ANP32E: variants seen among roughly 807,000 people sequenced by gnomAD.
ANP32E encodes the protein acidic leucine-rich nuclear phosphoprotein 32 family member E.
ANP32E carries 14 observed loss-of-function variants against 35.3 expected under a neutral mutation model. That is an observed-to-expected ratio of 0.40 (90% CI 0.26 to 0.62). ANP32E has a LOEUF of 0.62. ANP32E is among the 20% of genes least tolerant of loss of function. The probability of loss-of-function intolerance (pLI) is 0.45; values close to 1 mark genes in which losing one functional copy is unlikely to be tolerated. For synonymous variants in ANP32E, 89 were observed against 110.4 expected, an observed-to-expected ratio of 0.81 and a Z score of 1.22; for missense variants, 198 against 304.4, an observed-to-expected ratio of 0.65 and a Z score of 2.60.
At chr1:150,225,154 C>T (rs1250111637) in intron 5 of ANP32E, among the ~76,000 whole-genome samples, 4 of 152,162 alleles carry the variant, frequency 2.6e-5, no homozygotes, top group African/African-American at 9.7e-5. Context: ...TAAGAATTCA[C>T]AAAGCATGAT....
At chr1:150,232,398 A>T (rs1215433855) in intron 1 of ANP32E, among the ~76,000 whole-genome samples, 1 of 150,594 alleles carries the variant, frequency 6.6e-6, no homozygotes. Flanking sequence ...CCTTACACGG[A>T]TCCTTTTCAT....
chr1:150,223,310 T>G, intron 5 of ANP32E, 70 bp from the exon 6 acceptor site: 1 of 1,489,812 alleles, frequency 6.7e-7, no homozygotes, highest in South Asian at 1.2e-5. Context: ...TTGTAATATA[T>G]TCCAACAAGA....
At chr1:150,230,746 C>CT (rs11412482) in intron 2 of ANP32E, 53 bp from the exon 3 acceptor site, 112,026 of 1,149,168 alleles carry the variant, frequency 0.097, 119 homozygotes, top group Middle Eastern at 0.11. Context: ...TCATATCAAA[C>CT]TTTTTTTTTT....
chr1:150,223,374 G>T, intron 5 of ANP32E, 134 bp from the exon 6 acceptor site: 16 of 1,258,562 alleles, frequency 1.3e-5, no homozygotes, highest in African/African-American at 6.2e-5. Flanking sequence ...TTCTTATAAA[G>T]GTCCTTTTTA....
At chr1:150,223,471 A>G (rs1284028281) in intron 5 of ANP32E, among the ~76,000 whole-genome samples, 1 of 152,008 alleles carries the variant, frequency 6.6e-6, no homozygotes, top group Non-Finnish European at 1.5e-5. Flanking sequence ...ACCTGAGGTC[A>G]GGAGTTCCAG....
chr1:150,234,663 T>C (rs1649635149), intron 1 of ANP32E: 2 of 985,442 alleles, frequency 2.0e-6, no homozygotes, highest in Non-Finnish European at 2.4e-6. Context: ...TCTCGCGACC[T>C]GCCGCTCCGA....
At chr1:150,221,946 A>C (rs1037149143) in intron 6 of ANP32E, among the ~76,000 whole-genome samples, 1 of 151,918 alleles carries the variant, frequency 6.6e-6, no homozygotes, top group Non-Finnish European at 1.5e-5. Context: ...AAAAATTAGC[A>C]AGGTGTGGTG....
chr1:150,224,088 T>G (rs906991373), intron 5 of ANP32E, among the ~76,000 whole-genome samples: 1 of 151,856 alleles, frequency 6.6e-6, no homozygotes, highest in Non-Finnish European at 1.5e-5. Context: ...ATACAATCAG[T>G]TGAAATAAAG....
chr1:150,232,014 T>G, intron 1 of ANP32E, 88 bp from the exon 2 acceptor site: 1 of 1,304,614 alleles, frequency 7.7e-7, no homozygotes, highest in Non-Finnish European at 1.1e-6. Context: ...GGAAATGTAT[T>G]AAAACCACCA....
chr1:150,227,524 T>C (rs1648970138), intron 4 of ANP32E, among the ~76,000 whole-genome samples: 1 of 151,742 alleles, frequency 6.6e-6, no homozygotes, highest in African/African-American at 2.4e-5. Context: ...GCATGCTCAC[T>C]CTTACAAGCA....
intron 6 of ANP32E, 147 bp downstream of exon 6, chr1:150,223,039 C>A: frequency 1.1e-6 from 1 of 870,410 alleles, no homozygotes; most frequent in South Asian, 2.8e-5. Flanking sequence ...ACTTTGAAGG[C>A]ACTCTATGAT....
intron 3 of ANP32E, among the ~76,000 whole-genome samples, chr1:150,230,320 TA>T (rs138982897): frequency 0.017 from 2,545 of 151,170 alleles, 69 homozygotes; most frequent in African/African-American, 0.056. Flanking sequence ...GAAAGAAGGT[TA>T]AAAAAAAATA....
chr1:150,227,817 A>C (rs587644213), intron 4 of ANP32E, among the ~76,000 whole-genome samples: 24 of 105,778 alleles, frequency 2.3e-4, no homozygotes, highest in Non-Finnish European at 4.2e-4. Context: ...ACGATGAAGA[A>C]GTTTTCACTC....
At chr1:150,224,676 A>G (rs1648726628) in intron 5 of ANP32E, among the ~76,000 whole-genome samples, 1 of 152,188 alleles carries the variant, frequency 6.6e-6, no homozygotes, top group Non-Finnish European at 1.5e-5. Flanking sequence ...TTTCCATACT[A>G]GTTTCATCAG....
chr1:150,227,644 C>T (rs926066304), intron 4 of ANP32E, among the ~76,000 whole-genome samples: 6 of 151,492 alleles, frequency 4.0e-5, no homozygotes. Flanking sequence ...ACTATGTTCA[C>T]TATTTGGGTG....
chr1:150,221,216 T>C (rs1300845505), intron 6 of ANP32E, among the ~76,000 whole-genome samples: 3 of 147,616 alleles, frequency 2.0e-5, no homozygotes, highest in African/African-American at 7.6e-5. Context: ...GCCAGGCGGA[T>C]CACTTAAGGT....
Position 150,230,669 on chromosome 1 carries a change from A to T in ANP32E, c.229T>A (p.Ser77Thr). 6.2e-7 allele frequency: 1 copy of T among 1,613,708 alleles called. No individual in the cohort carries two copies. Among genetic ancestry groups the T allele is most frequent in the Non-Finnish European group, 8.5e-7 (1 of 1,179,800 alleles). ...TCTGCCAGGACTTCCAAGCCTCCAG[A>T]AATTATATTATCACTAAGCTCCAAC... is the stretch of plus-strand genomic sequence containing the variant. ...RKLELSDNIISGGLEVLAEKC... is the reference protein window; with the variant it reads ...RKLELSDNIITGGLEVLAEKC... The change falls in exon 3 of 7, where the codon TCT becomes ACT. Residue 77 changes from serine to threonine, a missense_variant. Transcript: ENST00000583931.
At chr1:150,232,582 T>A (rs1553842116) in intron 1 of ANP32E, among the ~76,000 whole-genome samples, 2 of 150,444 alleles carry the variant, frequency 1.3e-5, no homozygotes, top group African/African-American at 4.9e-5. Flanking sequence ...GCAATTCTCC[T>A]GTCTCAGCCT....
chr1:150,235,321 T>C lies in ANP32E; in HGVS notation c.54+412A>G, dbSNP rs1407528340. Among the ~76,000 whole-genome samples, 2 of 152,146 alleles carry C rather than the reference T, an allele frequency of 1.3e-5. No individual in the cohort carries two copies. Among genetic ancestry groups the C allele is most frequent in the Non-Finnish European group, 2.9e-5 (2 of 68,004 alleles). Reference sequence around the variant, plus strand: ...ATGAGTTGGCCGCACTGCAGAAAAGTTGGACTAACTTCTCAGGCGCCTATG... The same window carrying C: ...ATGAGTTGGCCGCACTGCAGAAAAGCTGGACTAACTTCTCAGGCGCCTATG... On this transcript the variant is annotated intron_variant, in intron 1 of 6. Coordinates refer to ENST00000583931, the MANE Select transcript of ANP32E (RefSeq NM_030920.5). This position sits in a 1 kb window ranked among gnomAD's most constrained non-coding sequence, Gnocchi z 4.2.
Sources: allele counts gnomAD v4.1 joint callset (sites outside exome capture counted in the v4.1 genomes callset), GRCh38; gene constraint gnomAD v4.1.1; non-coding constraint Gnocchi (gnomAD v3.1); transcripts MANE v1.5; gene names NCBI Gene and HGNC (gene_info 2026-07-23, HGNC 2026-07-21).